The following ADIPOQ variants were observed in gnomAD, a reference collection of about 807,000 sequenced individuals.
ADIPOQ encodes adiponectin, C1Q and collagen domain containing.
A neutral mutation model predicts 16.1 loss-of-function variants in ADIPOQ; 19 were observed. That is an observed-to-expected ratio of 1.18 (90% CI 0.82 to 1.73). ADIPOQ has a LOEUF of 1.73. Among genes scored for constraint, ADIPOQ ranks in the 40% most tolerant of loss-of-function variants. The pLI is 0.00. For missense variants in ADIPOQ, 323 were observed against 308.3 expected, an observed-to-expected ratio of 1.05 and a Z score of -0.36; for synonymous variants, 124 against 125.5, an observed-to-expected ratio of 0.99 and a Z score of 0.08.
chr3:186,849,995 G>A (rs746644565), intron 1 of ADIPOQ, among the ~76,000 whole-genome samples: 16 of 152,186 alleles, frequency 1.1e-4, no homozygotes, highest in Non-Finnish European at 2.1e-4. Flanking sequence ...AGGACTGGGC[G>A]TGGTGGCTCA....
intron 1 of ADIPOQ, among the ~76,000 whole-genome samples, chr3:186,846,324 C>G (rs1579203803): frequency 6.6e-6 from 1 of 152,132 alleles, no homozygotes; most frequent in East Asian, 1.9e-4. Context: ...TTCCGCCTCC[C>G]AGGCTCAAGC....
chr3:186,856,492 G>A lies in ADIPOQ; in HGVS notation c.*1788G>A, dbSNP rs1409296039. ...TTTTAAGATGGAGTTTCCCTCTGTT[G>A]CCAGGCTAGAGTGCAGTGGCATGAT... On this transcript the variant is annotated 3_prime_UTR_variant, in exon 3 of 3. Coordinates refer to ENST00000320741, the MANE Select transcript of ADIPOQ (RefSeq NM_004797.4). 1 of 151,938 alleles carries A rather than the reference G, an allele frequency of 6.6e-6. No homozygotes were observed. The highest frequency in any genetic ancestry group is 1.5e-5 in the Non-Finnish European group (1 of 68,010). 9.4% of individuals were successfully genotyped at this position (151,938 alleles called of 1,614,324 possible). A position where few individuals can be genotyped will look rare whatever the true frequency, so the allele number is the denominator to read the frequency against.
At chr3:186,850,411 A>G (rs1010657529) in intron 1 of ADIPOQ, among the ~76,000 whole-genome samples, 1 of 152,066 alleles carries the variant, frequency 6.6e-6, no homozygotes, top group Non-Finnish European at 1.5e-5. Context: ...TTATACACAC[A>G]CTAATGATGT....
chr3:186,853,386 T>A (rs1711861150), intron 2 of ADIPOQ, 114 bp downstream of exon 2: 18 of 1,366,946 alleles, frequency 1.3e-5, no homozygotes, highest in Middle Eastern at 2.4e-4. Flanking sequence ...AGCTTTTTTA[T>A]GTTAACCATA....
chr3:186,849,994 C>T (rs1281060060), intron 1 of ADIPOQ, among the ~76,000 whole-genome samples: 1 of 152,138 alleles, frequency 6.6e-6, no homozygotes, highest in East Asian at 1.9e-4. Context: ...AAGGACTGGG[C>T]GTGGTGGCTC....
rs181686054 is a variant in ADIPOQ, at chr3:186,845,853, C to T, written c.-9+3104C>T. On this transcript the variant is annotated intron_variant, in intron 1 of 2. Transcript: ENST00000320741. ...TGAAAATTACACTCCAAAGAACTCG[C>T]GCCAGTGTCAGTGTTCTCATGTTCC... 1.8e-3 allele frequency among the ~76,000 whole-genome samples: 271 copies of T among 152,270 alleles called. 2 individuals are homozygous for T. The highest frequency in any genetic ancestry group is 3.5e-3 in the Admixed American group (53 of 15,280).
chr3:186,844,362 G>A (rs1711523360), intron 1 of ADIPOQ, among the ~76,000 whole-genome samples: 1 of 152,022 alleles, frequency 6.6e-6, no homozygotes, highest in African/African-American at 2.4e-5. Flanking sequence ...GGCCAGGATG[G>A]TCTCGATCTC....
intron 1 of ADIPOQ, among the ~76,000 whole-genome samples, chr3:186,846,597 T>A (rs1032287115): frequency 1.3e-5 from 2 of 151,930 alleles, no homozygotes; most frequent in Non-Finnish European, 2.9e-5. Context: ...GTGATCTCTT[T>A]CCCCCACACG....
intron 1 of ADIPOQ, 56 bp from the exon 2 acceptor site, chr3:186,852,995 G>T: frequency 1.3e-6 from 2 of 1,579,624 alleles, no homozygotes; most frequent in South Asian, 1.1e-5. Flanking sequence ...GGTCCCAACT[G>T]GGTGTGTGTG....
intron 2 of ADIPOQ, 122 bp downstream of exon 2, chr3:186,853,394 A>G (rs892623869): frequency 7.9e-7 from 1 of 1,266,004 alleles, no homozygotes; most frequent in Non-Finnish European, 1.1e-6. Flanking sequence ...TATGTTAACC[A>G]TAAGCAACCT....
chr3:186,854,878 T>G lies in ADIPOQ; in HGVS notation c.*174T>G. 1 of 946,050 alleles carries G rather than the reference T, an allele frequency of 1.1e-6. No homozygotes were observed. The highest frequency in any genetic ancestry group is 1.6e-6 in the Non-Finnish European group (1 of 633,824). 58.6% of individuals were successfully genotyped at this position (946,050 alleles called of 1,614,324 possible). A position where few individuals can be genotyped will look rare whatever the true frequency, so the allele number is the denominator to read the frequency against. ...GAGTAACTTTAAAAAAATCATATGC[T>G]ATGTTCCCAGTCCTGGGGAGCTTCA... On this transcript the variant is annotated 3_prime_UTR_variant, in exon 3 of 3. Coordinates refer to ENST00000320741, the MANE Select transcript of ADIPOQ (RefSeq NM_004797.4).
chr3:186,846,710 C>T (rs1687681421), intron 1 of ADIPOQ, among the ~76,000 whole-genome samples: 2 of 152,136 alleles, frequency 1.3e-5, no homozygotes, highest in African/African-American at 4.8e-5. Flanking sequence ...ATTTCTCATA[C>T]ACTTTAACAT....
At chr3:186,843,471 C>A (rs1300078433) in intron 1 of ADIPOQ, among the ~76,000 whole-genome samples, 6 of 151,812 alleles carry the variant, frequency 4.0e-5, no homozygotes, top group Admixed American at 3.9e-4. Flanking sequence ...ACTAGCCTGA[C>A]CAACATGGTG....
intron 1 of ADIPOQ, among the ~76,000 whole-genome samples, chr3:186,847,638 A>G (rs1276044127): frequency 2.0e-5 from 3 of 152,168 alleles, no homozygotes; most frequent in Non-Finnish European, 4.4e-5. Flanking sequence ...CTTTGTGACC[A>G]AAAACAATTA....
chr3:186,844,007 A>G (rs1711515212), intron 1 of ADIPOQ, among the ~76,000 whole-genome samples: 1 of 152,284 alleles, frequency 6.6e-6, no homozygotes, highest in East Asian at 1.9e-4. Flanking sequence ...ACTCACTCCT[A>G]GGAACTCCGC....
In ADIPOQ at chr3:186,851,700, T is replaced by C. The variant is rs2108490468; in HGVS notation, c.-8-1351T>C. ...GCTCTCTCATGATTTCTTTTCCTCA[T>C]TATAAAAGTGCTTATTTAGTCCCTA... On this transcript the variant is annotated intron_variant, in intron 1 of 2. Coordinates refer to ENST00000320741, the MANE Select transcript of ADIPOQ (RefSeq NM_004797.4). Among the ~76,000 whole-genome samples the C allele has an allele frequency of 2.0e-5, 3 of 152,250 alleles. No homozygotes were observed. The South Asian group carries it at 6.2e-4, about 32-fold the overall frequency.
intron 1 of ADIPOQ, among the ~76,000 whole-genome samples, chr3:186,848,540 C>T (rs1711647960): frequency 1.3e-5 from 2 of 152,130 alleles, no homozygotes; most frequent in Non-Finnish European, 2.9e-5. Flanking sequence ...TCAGACTCAG[C>T]TTCCTAATCC....
chr3:186,845,735 C>G (rs1460920896), intron 1 of ADIPOQ: 1 of 152,152 alleles, frequency 6.6e-6, no homozygotes, highest in African/African-American at 2.4e-5. Context: ...TAGCTAGCAT[C>G]GTTCCCTCTC....
chr3:186,843,755 A>T (rs1711510182), intron 1 of ADIPOQ, among the ~76,000 whole-genome samples: 1 of 152,124 alleles, frequency 6.6e-6, no homozygotes, highest in African/African-American at 2.4e-5. Context: ...AAAAATTGTA[A>T]TTAAAAAAAA....
Sources: allele counts gnomAD v4.1 joint callset (sites outside exome capture counted in the v4.1 genomes callset), GRCh38; gene constraint gnomAD v4.1.1; transcripts MANE v1.5; gene names NCBI Gene and HGNC (gene_info 2026-07-23, HGNC 2026-07-21).